Variants in ZNF346 observed in about 807,000 individuals in gnomAD.
ZNF346 encodes zinc finger protein 346.
In ZNF346, 23 loss-of-function variants were observed where a neutral mutation model predicts 33.7. That is an observed-to-expected ratio of 0.68 (90% CI 0.49 to 0.97). The LOEUF (loss-of-function observed/expected upper bound fraction) is 0.97, where lower values mean the gene tolerates loss of function less well. Among genes scored for constraint, ZNF346 ranks in the 50% least tolerant of loss-of-function variants. The pLI is 0.00. For missense variants in ZNF346, 340 were observed against 371.1 expected (o/e 0.92, Z 0.69); for synonymous variants, 134 against 142.4 (o/e 0.94, Z 0.42).
chr5:177,073,190 G>T (rs558716755), intron 8 of ZNF346, among the ~76,000 whole-genome samples: 1 of 152,332 alleles, frequency 6.6e-6, no homozygotes, highest in South Asian at 2.1e-4. Context: ...CCCTAGCATA[G>T]GACTGTGCTT....
intron 5 of ZNF346, among the ~76,000 whole-genome samples, chr5:177,056,649 G>A (rs1781720398): frequency 6.6e-6 from 1 of 151,904 alleles, no homozygotes; most frequent in African/African-American, 2.4e-5. Flanking sequence ...ATCATTCTGA[G>A]CAAACTATCA....
chr5:177,056,363 C>T (rs966338136), intron 5 of ZNF346, among the ~76,000 whole-genome samples: 1 of 152,172 alleles, frequency 6.6e-6, no homozygotes, highest in Non-Finnish European at 1.5e-5. Context: ...GACAGTGTGG[C>T]GATTCCTCAA....
At chr5:177,038,679 C>G (rs1668077902) in intron 1 of ZNF346, among the ~76,000 whole-genome samples, 1 of 151,734 alleles carries the variant, frequency 6.6e-6, no homozygotes, top group Non-Finnish European at 1.5e-5. Flanking sequence ...CAGGTGCTTA[C>G]CTGCCCTTGC....
rs10682528 is a variant in ZNF346 at position 177,028,040 on chromosome 5, C to CTTTTTT, written c.175+5154_175+5159dup. 2.8e-3 allele frequency among the ~76,000 whole-genome samples: 95 copies of CTTTTTT among 33,538 alleles called. 28 individuals are homozygous for CTTTTTT. Among genetic ancestry groups the CTTTTTT allele is most frequent in the African/African-American group, 0.012 (85 of 7,216 alleles). The allele number at this position is 33,538 out of a possible 152,430, so 22.0% of individuals were successfully genotyped here. A position where few individuals can be genotyped will look rare whatever the true frequency, so the allele number is the denominator to read the frequency against. ...GAATATTTTGTTTCTCCTTGTGTCA[C>CTTTTTT]TTTTTTTTTTTTTTTTTTTTTTTTT... On this transcript the variant is annotated intron_variant, in intron 1 of 6. Transcript: ENST00000358149.
chr5:177,023,734 G>A (rs1561953385), intron 1 of ZNF346, among the ~76,000 whole-genome samples: 1 of 152,162 alleles, frequency 6.6e-6, no homozygotes, highest in African/African-American at 2.4e-5. Flanking sequence ...TAACCCAGAT[G>A]TACAAGAACT....
chr5:177,073,610 A>C (rs1783604374), intron 8 of ZNF346, among the ~76,000 whole-genome samples: 1 of 152,036 alleles, frequency 6.6e-6, no homozygotes, highest in African/African-American at 2.4e-5. Flanking sequence ...GGCCGGAAAG[A>C]CTTATTGAGG....
At position 177,022,902 on chromosome 5, in the gene ZNF346, G is replaced by A; in HGVS notation, c.164G>A (p.Gly55Asp). ...WEAVSGAQPV[G>D]REEVEHMIQK... The stretch of plus-strand genomic sequence containing the variant: ...GCCGTGTCCGGTGCCCAGCCGGTGG[G>A]TAGAGAGGAAGGTGAGTCGGGGGCT... Residue 55 changes from glycine (G) to aspartate (D), a missense_variant, in exon 1 of 7, where the codon GGT (glycine) becomes GAT (aspartate). Gly to Asp is a moderately conservative substitution (Grantham distance 94). Coordinates refer to ENST00000358149, the MANE Select transcript of ZNF346 (RefSeq NM_012279.4). The A allele has an allele frequency of 6.7e-7, 1 of 1,486,392 alleles. No homozygotes were observed. The highest frequency in any genetic ancestry group is 8.9e-7 in the Non-Finnish European group (1 of 1,117,696). The allele number at this position is 1,486,392 out of a possible 1,614,324, so 92.1% of individuals were successfully genotyped here. A position where few individuals can be genotyped will look rare whatever the true frequency, so the allele number is the denominator to read the frequency against.
intron 3 of ZNF346, 183 bp downstream of exon 3, chr5:177,042,053 T>C: frequency 8.0e-6 from 4 of 499,900 alleles, no homozygotes; most frequent in Middle Eastern, 4.0e-4. Flanking sequence ...TAATATCAAC[T>C]ACCTTTCAGG....
intron 8 of ZNF346, among the ~76,000 whole-genome samples, chr5:177,073,189 A>G (rs1430242364): frequency 6.6e-6 from 1 of 152,248 alleles, no homozygotes; most frequent in Admixed American, 6.5e-5. Context: ...TCCCTAGCAT[A>G]GGACTGTGCT....
In ZNF346 at chr5:177,024,200, C is replaced by CTTTTTT. The variant is rs781744965; in HGVS notation, c.175+1302_175+1307dup. Among the ~76,000 whole-genome samples, 72 of 86,882 alleles carry CTTTTTT rather than the reference C, an allele frequency of 8.3e-4. 4 individuals are homozygous for CTTTTTT. The highest frequency in any genetic ancestry group is 1.2e-3 in the East Asian group (3 of 2,602). 57.0% of individuals were successfully genotyped at this position (86,882 alleles called of 152,430 possible). A position where few individuals can be genotyped will look rare whatever the true frequency, so the allele number is the denominator to read the frequency against. On this transcript the variant is annotated intron_variant, in intron 1 of 6. Transcript: ENST00000358149. ...CACACTATTTCTGGGGCCCTCTCTCCTTTTTTTTTTTTTTTTTTTTGAGAG... is the reference window on the plus strand; with the variant it reads ...CACACTATTTCTGGGGCCCTCTCTCCTTTTTTTTTTTTTTTTTTTTTTTTTTGAGAG...
At chr5:177,078,062 G>C (rs536361167) in intron 8 of ZNF346, among the ~76,000 whole-genome samples, 2 of 152,200 alleles carry the variant, frequency 1.3e-5, no homozygotes, top group Admixed American at 6.5e-5. Context: ...CAGGAAAATT[G>C]CTTGAACCCG....
rs777994381 is a variant in ZNF346 at position 177,064,637 on chromosome 5, T to C, written c.*38T>C. The C allele has an allele frequency of 1.3e-6, 2 of 1,545,052 alleles. No individual in the cohort carries two copies. Among genetic ancestry groups the C allele is most frequent in the Admixed American group, 3.3e-5 (2 of 59,904 alleles). The stretch of plus-strand genomic sequence containing the variant: ...CCAGCATCCCATATTGGGCCAGCCA[T>C]GAGCCAGCTTCCCGTGACTGCTCAG... On this transcript the variant is annotated 3_prime_UTR_variant, in exon 7 of 7. Transcript: ENST00000358149.
chr5:177,043,820 GCC>G (rs1452599483), intron 3 of ZNF346, among the ~76,000 whole-genome samples: 1 of 152,030 alleles, frequency 6.6e-6, no homozygotes, highest in Non-Finnish European at 1.5e-5. Flanking sequence ...TCTACTGTGT[GCC>G]AGACTCCAGC....
intron 5 of ZNF346, among the ~76,000 whole-genome samples, chr5:177,059,591 C>G (rs1258397125): frequency 8.6e-6 from 1 of 115,864 alleles, no homozygotes; most frequent in Non-Finnish European, 1.7e-5. Flanking sequence ...CATTGAATGT[C>G]CCCTCCAGGT....
At chr5:177,048,616 C>T (rs534537155) in intron 4 of ZNF346, among the ~76,000 whole-genome samples, 28 of 152,002 alleles carry the variant, frequency 1.8e-4, no homozygotes, top group African/African-American at 5.5e-4. Context: ...AGCAAAACTC[C>T]ATCTCAAAAA....
chr5:177,022,821 G>A lies in ZNF346; in HGVS notation c.83G>A (p.Gly28Asp). ...TACAGCAGCTCGGAGTTGCTGGAGG[G>A]CCAGGAGCCGGACGGGGTGCGCTTT... ...GPYSSSELLEGQEPDGVRFDR... is the reference protein window; with the variant it reads ...GPYSSSELLEDQEPDGVRFDR... The change falls in exon 1 of 7, where the codon GGC (glycine) becomes GAC (aspartate). Residue 28 changes from glycine to aspartate, a missense_variant. Physicochemically the swap from Gly to Asp is moderately conservative, Grantham distance 94. Coordinates refer to ENST00000358149, the MANE Select transcript of ZNF346 (RefSeq NM_012279.4). 7 of 1,541,458 alleles carry A rather than the reference G, an allele frequency of 4.5e-6. No homozygotes were observed. Among genetic ancestry groups the A allele is most frequent in the Non-Finnish European group, 6.1e-6 (7 of 1,143,946 alleles).
chr5:177,051,018 C>T, intron 5 of ZNF346, 82 bp downstream of exon 5: 1 of 1,105,344 alleles, frequency 9.0e-7, no homozygotes, highest in Admixed American at 1.9e-5. Flanking sequence ...TTGTGCTTTT[C>T]CTCCTTAGGT....
chr5:177,023,874 G>A (rs1312076427), intron 1 of ZNF346, among the ~76,000 whole-genome samples: 2 of 151,734 alleles, frequency 1.3e-5, no homozygotes, highest in Non-Finnish European at 2.9e-5. Context: ...GACTGCCCTG[G>A]ATAAAATTGG....
chr5:177,062,267 GA>G, intron 6 of ZNF346, 116 bp downstream of exon 6: 1 of 782,784 alleles, frequency 1.3e-6, no homozygotes, highest in Non-Finnish European at 2.2e-6. Flanking sequence ...TTTTTTCAGT[GA>G]ACAGAAGATG....
Sources: allele counts gnomAD v4.1 joint callset (sites outside exome capture counted in the v4.1 genomes callset), GRCh38; gene constraint gnomAD v4.1.1; transcripts MANE v1.5; gene names NCBI Gene and HGNC (gene_info 2026-07-23, HGNC 2026-07-21).